GARIN4: variants seen among roughly 807,000 people sequenced by gnomAD.
GARIN4 encodes golgi associated RAB2 interactor family member 4.
the GARIN4 span, chr1:212,625,644 A>G: frequency 6.2e-7 from 1 of 1,614,154 alleles, no homozygotes. Flanking sequence ...AATGTGCTCA[A>G]TGCATCCATC....
chr1:212,624,951 T>A, the GARIN4 span: 5 of 1,613,814 alleles, frequency 3.1e-6, no homozygotes, highest in Non-Finnish European at 4.2e-6. Context: ...AACACCACCA[T>A]GGGGAAACTG....
At chr1:212,626,116 C>A in the GARIN4 span, 2 of 1,614,088 alleles carry the variant, frequency 1.2e-6, no homozygotes, top group Non-Finnish European at 1.7e-6. Context: ...GGGAGCGAAC[C>A]CAGGCCAGCG....
chr1:212,626,400 C>G, the GARIN4 span: 3 of 1,614,222 alleles, frequency 1.9e-6, no homozygotes, highest in South Asian at 3.3e-5. Flanking sequence ...TCTCACAAAT[C>G]TGGGAGGAGC....
the GARIN4 span, chr1:212,625,193 A>G: frequency 6.2e-7 from 1 of 1,614,078 alleles, no homozygotes; most frequent in South Asian, 1.1e-5. Flanking sequence ...CCAGGCCACC[A>G]AGAGAAAAAA....
At chr1:212,625,818 G>A in the GARIN4 span, 2 of 1,614,186 alleles carry the variant, frequency 1.2e-6, no homozygotes, top group Non-Finnish European at 1.7e-6. Context: ...GCCATAGCTG[G>A]GGCGGCCACC....
the GARIN4 span, chr1:212,626,120 G>A: frequency 6.2e-7 from 1 of 1,614,140 alleles, no homozygotes; most frequent in Non-Finnish European, 8.5e-7. Flanking sequence ...GCGAACCCAG[G>A]CCAGCGCTGA....
chr1:212,625,764 T>C, the GARIN4 span: 1 of 1,613,928 alleles, frequency 6.2e-7, no homozygotes, highest in Admixed American at 1.7e-5. Context: ...GCAGGTGCCT[T>C]GAGTGTGGCA....
chr1:212,624,756 G>T, the GARIN4 span: 2 of 1,432,362 alleles, frequency 1.4e-6, no homozygotes, highest in Non-Finnish European at 1.8e-6. Context: ...GTGGGATTGA[G>T]AGACCAGCTG....
the GARIN4 span, chr1:212,626,735 G>A: frequency 3.2e-5 from 48 of 1,513,950 alleles, no homozygotes; most frequent in Non-Finnish European, 3.9e-5. Context: ...CTATTCCAGC[G>A]TTCTTTACTG....
the GARIN4 span, chr1:212,626,258 A>T: frequency 1.2e-6 from 2 of 1,614,118 alleles, no homozygotes; most frequent in African/African-American, 2.7e-5. Context: ...GTCCTCCAGC[A>T]GGTCCTCATT....
chr1:212,625,426 T>A, the GARIN4 span: 1 of 1,614,166 alleles, frequency 6.2e-7, no homozygotes, highest in Admixed American at 1.7e-5. Flanking sequence ...GTAACAGCAG[T>A]ACCTGTGGCA....
At chr1:212,626,328 G>A in the GARIN4 span, 7 of 1,614,238 alleles carry the variant, frequency 4.3e-6, no homozygotes, top group South Asian at 5.5e-5. Flanking sequence ...CCGGGGAGCA[G>A]CAGGCACAGG....
chr1:212,626,621 A>G, the GARIN4 span: 1 of 1,611,990 alleles, frequency 6.2e-7, no homozygotes, highest in South Asian at 1.1e-5. Flanking sequence ...TGGTTCTATG[A>G]CACCGGACAT....
the GARIN4 span, chr1:212,624,786 C>T: frequency 6.9e-7 from 1 of 1,444,352 alleles, no homozygotes. Flanking sequence ...CTTTGTGACC[C>T]AGGAGCACCA....
chr1:212,626,746 C>A, the GARIN4 span: 1 of 1,499,338 alleles, frequency 6.7e-7, no homozygotes, highest in Non-Finnish European at 8.9e-7. Context: ...TTCTTTACTG[C>A]CGTTTAAATA....
chr1:212,625,675 T>A, the GARIN4 span: 4 of 1,614,084 alleles, frequency 2.5e-6, no homozygotes, highest in Non-Finnish European at 3.4e-6. Context: ...CTACAGAACT[T>A]GCTGAGGAGC....
the GARIN4 span, chr1:212,626,255 A>G: frequency 6.8e-6 from 11 of 1,614,230 alleles, no homozygotes; most frequent in Non-Finnish European, 8.5e-6. Context: ...AAAGTCCTCC[A>G]GCAGGTCCTC....
chr1:212,624,768 A>G, the GARIN4 span: 1 of 1,438,742 alleles, frequency 7.0e-7, no homozygotes. Flanking sequence ...GACCAGCTGC[A>G]GAGACATCTT....
chr1:212,626,730 C>T, the GARIN4 span: 1 of 1,522,046 alleles, frequency 6.6e-7, no homozygotes, highest in Non-Finnish European at 8.8e-7. Context: ...AAAGCCTATT[C>T]CAGCGTTCTT....
Sources: gnomAD v4.1 joint callset for allele counts on GRCh38, gnomAD v4.1.1 for gene constraint, MANE v1.5 for transcripts, NCBI Gene and HGNC (gene_info 2026-07-23, HGNC 2026-07-21) for gene names.